Variants in FXR2 observed in about 807,000 individuals in gnomAD.
FXR2 encodes the protein FMR1 autosomal homolog 2.
In FXR2, 9 loss-of-function variants were observed where a neutral mutation model predicts 87.3. The ratio of observed to expected loss-of-function variants is 0.10; its 90% CI spans 0.06 to 0.18. The LOEUF is 0.18. Among genes scored for constraint, FXR2 ranks in the 10% least tolerant of loss-of-function variants. The pLI is 1.00. For missense variants in FXR2, 661 were observed against 893.6 expected, an observed-to-expected ratio of 0.74 and a Z score of 3.32; for synonymous variants, 331 against 328.3, an observed-to-expected ratio of 1.01 and a Z score of -0.09.
chr17:7,602,114 T>C (rs1445275659), intron 6 of FXR2, among the ~76,000 whole-genome samples: 1 of 150,200 alleles, frequency 6.7e-6, no homozygotes, highest in Non-Finnish European at 1.5e-5. Context: ...GGCAACATGA[T>C]TATCAGGTTT....
intron 1 of FXR2, among the ~76,000 whole-genome samples, chr17:7,606,753 G>A (rs1457310202): frequency 6.6e-6 from 1 of 152,108 alleles, no homozygotes; most frequent in East Asian, 1.9e-4. Flanking sequence ...AATCTAGAAT[G>A]ACACTGATAA....
intron 1 of FXR2, 72 bp downstream of exon 1, chr17:7,614,380 G>T: frequency 2.7e-6 from 3 of 1,123,838 alleles, no homozygotes; most frequent in Non-Finnish European, 3.8e-6. Context: ...GCTCGATCCC[G>T]CCCCACGCGT....
chr17:7,594,554 A>T lies in FXR2; in HGVS notation c.910+125T>A, dbSNP rs1384790464. 3.7e-5 allele frequency: 28 copies of T among 753,658 alleles called. No homozygotes were observed. The highest frequency in any genetic ancestry group is 8.4e-5 in the Admixed American group (4 of 47,560). 46.7% of individuals were successfully genotyped at this position (753,658 alleles called of 1,614,324 possible). ...TTCATTTTTATCACTCCCATTACAG[A>T]CTGTTTCTCTGTCCTTGTGAAACTG... On this transcript the variant is annotated intron_variant, in intron 9 of 16. Coordinates refer to ENST00000250113, the MANE Select transcript of FXR2 (RefSeq NM_004860.4). The surrounding 1 kb of genome is among the most constrained non-coding windows in gnomAD (Gnocchi z 5.1).
rs1020406177 is a variant in FXR2 at position 7,604,140 on chromosome 17, G to A, written c.229-60C>T. The A allele has an allele frequency of 2.0e-5, 26 of 1,304,958 alleles. 1 individual carries two copies. In the South Asian group the frequency reaches 3.2e-4, roughly 16 times the overall value. 80.8% of individuals were successfully genotyped at this position (1,304,958 alleles called of 1,614,324 possible). A position where few individuals can be genotyped will look rare whatever the true frequency, so the allele number is the denominator to read the frequency against. On this transcript the variant is annotated intron_variant, in intron 3 of 16. Coordinates refer to ENST00000250113, the MANE Select transcript of FXR2 (RefSeq NM_004860.4). ...GACCACCCAAAAGCATCAAGAAAGG[G>A]ATGAGGAGGCCGGGCATGGTGGGGC...
chr17:7,591,923 A>G lies in FXR2; in HGVS notation c.1929T>C (p.Gly643=). The change falls in exon 17 of 17, where the codon GGT becomes GGC. Residue 643 remains glycine, a splice_region_variant and synonymous_variant. Coordinates refer to ENST00000250113, the MANE Select transcript of FXR2 (RefSeq NM_004860.4). This position sits in a 1 kb window ranked among gnomAD's most constrained non-coding sequence, Gnocchi z 4.0. ...PSEDSLSGQK[G]DSVSKLPKGP... is the part of the protein sequence containing the mutation. ...CCTTAGGAAGCTTGCTGACAGAGTCACCCTGAGGGGAAAGTGGGAAAGAAA... is the reference window on the plus strand; with the variant it reads ...CCTTAGGAAGCTTGCTGACAGAGTCGCCCTGAGGGGAAAGTGGGAAAGAAA... The G allele has an allele frequency of 6.4e-7, 1 of 1,566,288 alleles. No individual in the cohort carries two copies. Among genetic ancestry groups the G allele is most frequent in the African/African-American group, 1.4e-5 (1 of 73,910 alleles).
intron 5 of FXR2, 142 bp downstream of exon 5, chr17:7,603,615 G>A (rs1425738200): frequency 1.2e-4 from 76 of 645,118 alleles, no homozygotes; most frequent in Non-Finnish European, 2.1e-5. Flanking sequence ...GAAACTAAGT[G>A]TCTTCTTAGC....
intron 6 of FXR2, among the ~76,000 whole-genome samples, chr17:7,601,753 CCT>C (rs1488469567): frequency 1.3e-5 from 2 of 151,994 alleles, no homozygotes; most frequent in Middle Eastern, 3.4e-3. Context: ...GTGGTGAAAC[CCT>C]GTCTTTACTA....
chr17:7,609,981 T>TATATATACATGTATATGTATAC (rs1567753919), intron 1 of FXR2, among the ~76,000 whole-genome samples: 729 of 48,200 alleles, frequency 0.015, 20 homozygotes, highest in African/African-American at 0.033. Context: ...TATGTATACA[T>TATATATACATGTATATGTATAC]ATATATATAC....
chr17:7,600,173 A>C (rs1371168331), intron 7 of FXR2, among the ~76,000 whole-genome samples: 1 of 151,582 alleles, frequency 6.6e-6, no homozygotes, highest in Admixed American at 6.6e-5. Flanking sequence ...TGCTGGGATT[A>C]CAGACGTGGG....
In FXR2 at chr17:7,594,624, A is replaced by G; in HGVS notation, c.910+55T>C. 9.1e-7 allele frequency: 1 copy of G among 1,104,450 alleles called. No individual in the cohort carries two copies. The highest frequency in any genetic ancestry group is 2.3e-5 in the East Asian group (1 of 42,598). The allele number at this position is 1,104,450 out of a possible 1,614,324, so 68.4% of individuals were successfully genotyped here. A position where few individuals can be genotyped will look rare whatever the true frequency, so the allele number is the denominator to read the frequency against. The stretch of plus-strand genomic sequence containing the variant: ...CAATCCTGGATAAAAGCTCAGAATC[A>G]CTGTAGAGAATCTTGATTCTGACCT... On this transcript the variant is annotated intron_variant, in intron 9 of 16. Transcript: ENST00000250113. This position sits in a 1 kb window ranked among gnomAD's most constrained non-coding sequence, Gnocchi z 5.1.
In FXR2 at chr17:7,592,184, A is replaced by T. The variant is rs2071667692; in HGVS notation, c.1926+70T>A. On this transcript the variant is annotated intron_variant, in intron 16 of 16. Coordinates refer to ENST00000250113, the MANE Select transcript of FXR2 (RefSeq NM_004860.4). The surrounding 1 kb of genome is among the most constrained non-coding windows in gnomAD (Gnocchi z 4.8). ...TGCAATTCAGTAGGAGATTTGTGAA[A>T]TTTTTTGTGCCCCCTGCCCCAGAGT... The T allele has an allele frequency of 1.3e-6, 2 of 1,551,130 alleles. No individual in the cohort carries two copies. The highest frequency in any genetic ancestry group is 1.4e-5 in the African/African-American group (1 of 73,038).
At position 7,594,034 on chromosome 17, in the gene FXR2, C is replaced by CAGAAAGGA; in HGVS notation, c.1021-38_1021-31dup. 7.1e-7 allele frequency: 1 copy of CAGAAAGGA among 1,413,116 alleles called. No homozygotes were observed. The highest frequency in any genetic ancestry group is 1.0e-6 in the Non-Finnish European group (1 of 996,352). The allele number at this position is 1,413,116 out of a possible 1,614,324, so 87.5% of individuals were successfully genotyped here. On this transcript the variant is annotated intron_variant, in intron 10 of 16. Coordinates refer to ENST00000250113, the MANE Select transcript of FXR2 (RefSeq NM_004860.4). This position sits in a 1 kb window ranked among gnomAD's most constrained non-coding sequence, Gnocchi z 5.1. Reference sequence around the variant, plus strand: ...AGAACAGAGAGCAGAAACGATGGATCAGAAAGGAAAATGAAATGGAAGGAT... The same window carrying CAGAAAGGA: ...AGAACAGAGAGCAGAAACGATGGATCAGAAAGGAAGAAAGGAAAATGAAATGGAAGGAT...
chr17:7,606,373 T>A (rs2071803327), intron 1 of FXR2, among the ~76,000 whole-genome samples: 1 of 152,108 alleles, frequency 6.6e-6, no homozygotes, highest in South Asian at 2.1e-4. Context: ...ACCACCTGCA[T>A]CAGAACAGCC....
At chr17:7,611,752 T>C (rs1334341274) in intron 1 of FXR2, among the ~76,000 whole-genome samples, 4 of 152,052 alleles carry the variant, frequency 2.6e-5, no homozygotes, top group African/African-American at 9.7e-5. Flanking sequence ...TTCCCAAATG[T>C]ACAATTCCAG....
At position 7,614,434 on chromosome 17, in the gene FXR2, G is replaced by T; in HGVS notation, c.81+18C>A. ...AGGGGGCTAAGGACCGGCGTCCCCA[G>T]TCGGCGCGCCGTCTCACCTTGTAGA... On this transcript the variant is annotated intron_variant, in intron 1 of 16. Transcript: ENST00000250113. The T allele has an allele frequency of 6.6e-7, 1 of 1,514,088 alleles. No individual in the cohort carries two copies. Among genetic ancestry groups the T allele is most frequent in the Non-Finnish European group, 8.9e-7 (1 of 1,125,794 alleles). 93.8% of individuals were successfully genotyped at this position (1,514,088 alleles called of 1,614,324 possible). A position where few individuals can be genotyped will look rare whatever the true frequency, so the allele number is the denominator to read the frequency against.
chr17:7,607,263 A>G (rs2071810351), intron 1 of FXR2, among the ~76,000 whole-genome samples: 1 of 151,142 alleles, frequency 6.6e-6, no homozygotes, highest in African/African-American at 2.4e-5. Context: ...GGTTGCAGTG[A>G]GCCAAGATCA....
rs376499430 is a variant in FXR2 at position 7,593,065 on chromosome 17, G to T, written c.1447C>A (p.Arg483=). The change falls in exon 13 of 17, where the codon CGG becomes AGG. Residue 483 remains arginine (R), a synonymous_variant. Transcript: ENST00000250113. The surrounding 1 kb of genome is among the most constrained non-coding windows in gnomAD (Gnocchi z 6.1). The part of the protein sequence containing the change: ...PPTRGEESRR[R]PTGGRGRGPP... ...CCCCTACCCCGGCCCCCAGTCGGCC[G>T]CCTCCGGCTTTCTTCCCCTCGGGTT... 1.1e-5 allele frequency: 17 copies of T among 1,588,520 alleles called. No individual in the cohort carries two copies. The highest frequency in any genetic ancestry group is 1.5e-5 in the Non-Finnish European group (17 of 1,169,772).
In FXR2 at chr17:7,607,398, A is replaced by T. The variant is rs114017443; in HGVS notation, c.82-1249T>A. On this transcript the variant is annotated intron_variant, in intron 1 of 16. Transcript: ENST00000250113. Reference sequence around the variant, plus strand: ...AGGTTTTCTCTTATGTCTTCTTCTTAAACTTTTAGTTTTTTGTTTTACATT... The same window carrying T: ...AGGTTTTCTCTTATGTCTTCTTCTTTAACTTTTAGTTTTTTGTTTTACATT... Among the ~76,000 whole-genome samples, 557 of 152,024 alleles carry T rather than the reference A, an allele frequency of 3.7e-3. 3 individuals are homozygous for T. Among genetic ancestry groups the T allele is most frequent in the African/African-American group, 0.013 (523 of 41,506 alleles).
chr17:7,597,483 C>CTTTTTTTT (rs56705018), intron 7 of FXR2, among the ~76,000 whole-genome samples: 1 of 145,728 alleles, frequency 6.9e-6, no homozygotes, highest in Non-Finnish European at 1.5e-5. Context: ...GCTGGGTTTT[C>CTTTTTTTT]TTTTTTTTTT....
Sources: gnomAD v4.1 joint callset for allele counts (sites outside exome capture counted in the v4.1 genomes callset) on GRCh38, gnomAD v4.1.1 for gene constraint, Gnocchi (gnomAD v3.1) non-coding constraint, MANE v1.5 for transcripts, NCBI Gene and HGNC (gene_info 2026-07-23, HGNC 2026-07-21) for gene names.